Variants in NUP98 observed in about 807,000 individuals in gnomAD.
NUP98 encodes the protein nucleoporin 98 and 96 precursor, also known as nuclear pore complex protein Nup98-Nup96.
A neutral mutation model predicts 191.9 loss-of-function variants in NUP98; 26 were observed. The observed-to-expected ratio is 0.14, with a 90% CI of 0.10 to 0.19. The LOEUF (loss-of-function observed/expected upper bound fraction) is 0.19. Ranked by LOEUF, NUP98 falls within the 10% of genes least tolerant of loss-of-function variation. The probability of loss-of-function intolerance (pLI) is 1.00; values close to 1 mark genes in which losing one functional copy is unlikely to be tolerated. For missense variants in NUP98, 1,941 were observed against 2,178.8 expected (o/e 0.89, Z 2.17); for synonymous variants, 808 against 778.4 (o/e 1.04, Z -0.63).
At chr11:3,711,334 G>C (rs1055879266) in intron 20 of NUP98, among the ~76,000 whole-genome samples, 1 of 152,070 alleles carries the variant, frequency 6.6e-6, no homozygotes, top group Non-Finnish European at 1.5e-5. Context: ...TTTTCAAAGA[G>C]CTCTCACAAA....
intron 18 of NUP98, among the ~76,000 whole-genome samples, chr11:3,718,765 G>A (rs1589799514): frequency 6.6e-6 from 1 of 152,294 alleles, no homozygotes; most frequent in East Asian, 1.9e-4. Context: ...AGCCACAGCA[G>A]AAACAGGAAT....
intron 7 of NUP98, among the ~76,000 whole-genome samples, chr11:3,771,263 C>T (rs2081522991): frequency 6.6e-6 from 1 of 152,152 alleles, no homozygotes; most frequent in South Asian, 2.1e-4. Context: ...ATATAGGAGA[C>T]TTCAGAATCA....
chr11:3,796,834 A>G (rs888073209), intron 1 of NUP98, among the ~76,000 whole-genome samples: 2 of 152,192 alleles, frequency 1.3e-5, no homozygotes, highest in African/African-American at 4.8e-5. Flanking sequence ...CAGAAACTCA[A>G]TCTGTCTCCT....
At chr11:3,763,108 A>G in intron 8 of NUP98, 69 bp from the exon 9 acceptor site, 2 of 1,466,294 alleles carry the variant, frequency 1.4e-6, no homozygotes, top group Non-Finnish European at 1.9e-6. Flanking sequence ...CAGAGTAATA[A>G]AAAAAAAGTT....
chr11:3,708,892 T>A (rs1028907989), intron 20 of NUP98, among the ~76,000 whole-genome samples: 8 of 152,330 alleles, frequency 5.3e-5, no homozygotes, highest in Non-Finnish European at 1.2e-4. Context: ...AGCATCATAT[T>A]TATTTCCAAA....
Position 3,737,377 on chromosome 11 carries a change from G to A in NUP98, c.1409-2053C>T, listed in dbSNP as rs528730565. ...GTGGTGGCTCATGCCTGTAATCCCA[G>A]CACTTTGGGAGGCCGAGGCAGGCGG... On this transcript the variant is annotated intron_variant, in intron 12 of 32. Coordinates refer to ENST00000324932, the MANE Select transcript of NUP98 (RefSeq NM_016320.5). 2.0e-5 allele frequency among the ~76,000 whole-genome samples: 3 copies of A among 149,112 alleles called. No homozygotes were observed. The East Asian group carries it at 5.9e-4, about 29-fold the overall frequency.
At chr11:3,790,753 C>G (rs894751213) in intron 1 of NUP98, among the ~76,000 whole-genome samples, 4 of 152,170 alleles carry the variant, frequency 2.6e-5, no homozygotes, top group Non-Finnish European at 5.9e-5. Flanking sequence ...TTTCTCAACA[C>G]TACAGCACAA....
intron 28 of NUP98, among the ~76,000 whole-genome samples, chr11:3,687,411 T>A (rs2134035335): frequency 6.6e-6 from 1 of 152,354 alleles, no homozygotes. Flanking sequence ...TACCAATTTT[T>A]TTCTCTTATG....
Position 3,760,531 on chromosome 11 carries a change from TTTG to T in NUP98, c.1174+5_1174+7del, listed in dbSNP as rs753445137. 1 of 1,614,094 alleles carries T rather than the reference TTTG, an allele frequency of 6.2e-7. No homozygotes were observed. Among genetic ancestry groups the T allele is most frequent in the Admixed American group, 1.7e-5 (1 of 59,988 alleles). ...TATTGGTTCCTAAAGTCAGGGTTGG[TTTG>T]TTACCAAAGAGCCCGCCACTGGTTG... On this transcript the variant is annotated splice_donor_5th_base_variant and intron_variant, in intron 10 of 32. Coordinates refer to ENST00000324932, the MANE Select transcript of NUP98 (RefSeq NM_016320.5).
chr11:3,730,850 C>G (rs1047284563), intron 14 of NUP98, among the ~76,000 whole-genome samples: 13 of 151,768 alleles, frequency 8.6e-5, no homozygotes, highest in African/African-American at 3.1e-4. Flanking sequence ...AAAACAAAAT[C>G]ATGCATATGT....
intron 4 of NUP98, 62 bp from the exon 5 acceptor site, chr11:3,776,083 A>G (rs576113686): frequency 4.0e-5 from 52 of 1,286,546 alleles, no homozygotes; most frequent in South Asian, 1.6e-4. Context: ...TATAAGATGC[A>G]TTGGAATTGG....
At chr11:3,748,966 A>G (rs565849407) in intron 11 of NUP98, among the ~76,000 whole-genome samples, 3 of 151,798 alleles carry the variant, frequency 2.0e-5, no homozygotes, top group Non-Finnish European at 4.4e-5. Context: ...AAAAACAATT[A>G]TATAACCAAA....
intron 13 of NUP98, among the ~76,000 whole-genome samples, chr11:3,732,677 A>G (rs1391651101): frequency 6.6e-6 from 1 of 152,238 alleles, no homozygotes; most frequent in Non-Finnish European, 1.5e-5. Context: ...TGGAGGACAC[A>G]CAACTAAATT....
chr11:3,748,556 T>A (rs542505513), intron 11 of NUP98, among the ~76,000 whole-genome samples: 2 of 152,154 alleles, frequency 1.3e-5, no homozygotes, highest in East Asian at 1.9e-4. Flanking sequence ...GCACAGTGGC[T>A]TATGCCGGGA....
intron 14 of NUP98, among the ~76,000 whole-genome samples, chr11:3,730,670 C>T (rs1047788207): frequency 2.6e-5 from 4 of 152,024 alleles, no homozygotes; most frequent in African/African-American, 9.7e-5. Flanking sequence ...GGCCGGATTA[C>T]TGTATTTTTA....
At chr11:3,735,050 CTGAG>C (rs1465938561) in intron 13 of NUP98, 137 bp downstream of exon 13, 6 of 711,956 alleles carry the variant, frequency 8.4e-6, no homozygotes, top group Admixed American at 3.4e-5. Flanking sequence ...TTACTCCCGG[CTGAG>C]TGAAATAATA....
intron 8 of NUP98, among the ~76,000 whole-genome samples, chr11:3,766,648 C>T (rs2081348531): frequency 7.0e-6 from 1 of 142,184 alleles, no homozygotes; most frequent in Non-Finnish European, 1.5e-5. Context: ...GAGATCGTGC[C>T]ATTACACTCC....
chr11:3,780,869 C>T (rs536154119), intron 2 of NUP98, among the ~76,000 whole-genome samples: 75 of 152,114 alleles, frequency 4.9e-4, no homozygotes, highest in Middle Eastern at 6.8e-3. Flanking sequence ...TGCTTGAGGT[C>T]AGGAGTTTGA....
At chr11:3,784,557 C>G (rs925080012) in intron 1 of NUP98, among the ~76,000 whole-genome samples, 3 of 143,912 alleles carry the variant, frequency 2.1e-5, no homozygotes, top group Non-Finnish European at 4.5e-5. Flanking sequence ...GCTTGGACAA[C>G]ACAGCAAGAC....
Sources: allele counts gnomAD v4.1 joint callset (sites outside exome capture counted in the v4.1 genomes callset), GRCh38; gene constraint gnomAD v4.1.1; transcripts MANE v1.5; gene names NCBI Gene and HGNC (gene_info 2026-07-23, HGNC 2026-07-21).